Variants in VWCE observed in about 807,000 individuals in gnomAD.
The protein encoded by VWCE is von Willebrand factor C and EGF domains, also known as von Willebrand factor C and EGF domain-containing protein.
A neutral mutation model predicts 102.9 loss-of-function variants in VWCE; 68 were observed. That is an observed-to-expected ratio of 0.66 (90% CI 0.54 to 0.81). The LOEUF (loss-of-function observed/expected upper bound fraction) is 0.81. Ranked by LOEUF, VWCE falls within the 30% of genes least tolerant of loss-of-function variation. VWCE has a pLI of 0.00. For missense variants in VWCE, 1,137 were observed against 1,263.6 expected (o/e 0.90, Z 1.52); for synonymous variants, 497 against 515.4 (o/e 0.96, Z 0.48).
chr11:61,281,789 C>T lies in VWCE; in HGVS notation c.784G>A (p.Glu262Lys). Residue 262 changes from glutamate (E) to lysine (K), a missense_variant, in exon 7 of 20, where the codon GAA becomes AAA. This residue lies in a region of VWCE where 575 missense variants were observed against 625.9 expected (regional missense o/e 0.92). Transcript: ENST00000335613. ...GATGGAGGGGCCTGGCGCTCACCTT[C>T]ACAGGACACGCGGTCAGCTCGGAGC... The part of the protein sequence containing the change: ...FRLRADRVSC[E>K]AFPKAVLAPS... 1 of 1,611,718 alleles carries T rather than the reference C, an allele frequency of 6.2e-7. No individual in the cohort carries two copies. Among genetic ancestry groups the T allele is most frequent in the African/African-American group, 1.3e-5 (1 of 74,942 alleles).
chr11:61,268,819 T>C, intron 15 of VWCE, 103 bp downstream of exon 15: 1 of 1,168,694 alleles, frequency 8.6e-7, no homozygotes, highest in Non-Finnish European at 1.2e-6. Flanking sequence ...GGTTGTCCCT[T>C]GGGGTTGTTA....
At position 61,259,167 on chromosome 11, in the gene VWCE, C is replaced by G. The variant is rs748783982; in HGVS notation, c.2376G>C (p.Ser792=). 19 of 1,613,984 alleles carry G rather than the reference C, an allele frequency of 1.2e-5. No homozygotes were observed. The highest frequency in any genetic ancestry group is 1.6e-4 in the Middle Eastern group (1 of 6,082). The change falls in exon 20 of 20, where the codon TCG becomes TCC. Residue 792 remains serine, a synonymous_variant. Transcript: ENST00000335613. ...SCPGPPTASP[S]RPVLHLLQLL... The stretch of plus-strand genomic sequence containing the variant: ...GCTGGAGGAGATGAAGCACCGGCCT[C>G]GAGGGTGATGCTGTCGGGGGCCCAG...
chr11:61,264,419 G>A, intron 19 of VWCE, 68 bp downstream of exon 19: 1 of 1,466,160 alleles, frequency 6.8e-7, no homozygotes, highest in Non-Finnish European at 9.4e-7. Context: ...CAAGTTCTAT[G>A]TACCGGGGAA....
intron 10 of VWCE, among the ~76,000 whole-genome samples, chr11:61,277,914 C>T (rs773071247): frequency 3.9e-5 from 6 of 152,160 alleles, no homozygotes; most frequent in Non-Finnish European, 8.8e-5. Context: ...TCTCAGCTCA[C>T]TGCAACGTCA....
chr11:61,275,930 G>T (rs1165523853), intron 11 of VWCE, among the ~76,000 whole-genome samples: 1 of 152,238 alleles, frequency 6.6e-6, no homozygotes. Context: ...GCAGGGGAAA[G>T]CTGGGCTGTG....
chr11:61,265,195 A>T lies in VWCE; in HGVS notation c.1983T>A (p.Cys661Ter). 6.7e-7 allele frequency: 1 copy of T among 1,496,994 alleles called. No individual in the cohort carries two copies. Among genetic ancestry groups the T allele is most frequent in the Non-Finnish European group, 8.9e-7 (1 of 1,120,866 alleles). 92.7% of individuals were successfully genotyped at this position (1,496,994 alleles called of 1,614,324 possible). The change falls in exon 17 of 20, where the codon TGT becomes TGA. Residue 661 changes from cysteine to a stop codon, truncating the protein, a stop_gained. Coordinates refer to ENST00000335613, the MANE Select transcript of VWCE (RefSeq NM_152718.2). LOFTEE classifies it high-confidence loss of function. ...AGGTGATGGGGCAGTCCACGGGGGA[A>T]CAGGCCACTGAGCCCAGCTGCAGGA... is the stretch of plus-strand genomic sequence containing the variant. ...SCICLLGSVA[C>*]SPVDCPITCT...
intron 10 of VWCE, among the ~76,000 whole-genome samples, chr11:61,278,052 C>A (rs1429525500): frequency 1.3e-5 from 2 of 152,086 alleles, no homozygotes; most frequent in Non-Finnish European, 2.9e-5. Context: ...AATGTGGAGA[C>A]CTTTATTGTG....
At chr11:61,273,462 C>A in intron 12 of VWCE, 146 bp from the exon 13 acceptor site, 4 of 753,558 alleles carry the variant, frequency 5.3e-6, no homozygotes, top group Non-Finnish European at 8.4e-6. Flanking sequence ...GTGAAACTGA[C>A]AAAGAAATCT....
chr11:61,281,761 C>A (rs746457778), intron 7 of VWCE, 25 bp downstream of exon 7: 3 of 1,592,346 alleles, frequency 1.9e-6, no homozygotes, highest in South Asian at 2.3e-5. Flanking sequence ...GGCCAGCCGC[C>A]GGGATGGAGG....
In VWCE at chr11:61,281,255, G is replaced by T. The variant is rs774661016; in HGVS notation, c.788-20C>A. The T allele has an allele frequency of 3.7e-6, 6 of 1,611,304 alleles. No homozygotes were observed. The South Asian group carries it at 5.5e-5, about 15-fold the overall frequency. ...GGAAAGCTGAAACAGAAGCACGGAG[G>T]TCTCTTGGGGTGGACAGCAGAGACA... is the stretch of plus-strand genomic sequence containing the variant. On this transcript the variant is annotated intron_variant, in intron 7 of 19. Transcript: ENST00000335613.
intron 14 of VWCE, among the ~76,000 whole-genome samples, chr11:61,271,007 C>T (rs952816978): frequency 2.0e-5 from 3 of 151,882 alleles, no homozygotes; most frequent in Non-Finnish European, 4.4e-5. Context: ...CTACATGCAG[C>T]TAATTTTTGT....
intron 5 of VWCE, among the ~76,000 whole-genome samples, chr11:61,283,648 C>T (rs930520631): frequency 6.6e-6 from 1 of 152,156 alleles, no homozygotes. Flanking sequence ...TGACCTCAGG[C>T]GATCCACCTG....
chr11:61,267,517 T>C lies in VWCE; in HGVS notation c.1910A>G (p.Tyr637Cys), dbSNP rs560633756. 1.2e-6 allele frequency: 2 copies of C among 1,614,138 alleles called. No individual in the cohort carries two copies. Among genetic ancestry groups the C allele is most frequent in the Admixed American group, 1.7e-5 (1 of 60,016 alleles). Residue 637 changes from tyrosine to cysteine, a missense_variant, in exon 16 of 20, where the codon TAT becomes TGT. Tyr to Cys is a radical substitution (Grantham distance 194, BLOSUM62 -2). Around this residue, in one of 5 missense-constraint regions of VWCE, gnomAD observed 212 missense variants for 235.1 expected, o/e 0.90. Transcript: ENST00000335613. ...CACAGACGGGAAGGTCTCGTTGTTA[T>C]AGAAGATTCTGCCTGTGTAGGTGCA... ...AGCTYTGRIF[Y>C]NNETFPSVLD...
rs1299823844 is a variant in VWCE, at chr11:61,290,790, G to T, written c.424+9C>A. On this transcript the variant is annotated intron_variant, in intron 4 of 19. Transcript: ENST00000335613. Reference sequence around the variant, plus strand: ...CCTCCCCCTCCCCCACCACTCCCAGGCGTCTCACCTGTACACCTGATGCCA... The same window carrying T: ...CCTCCCCCTCCCCCACCACTCCCAGTCGTCTCACCTGTACACCTGATGCCA... 1.9e-6 allele frequency: 3 copies of T among 1,594,206 alleles called. No homozygotes were observed.
chr11:61,270,085 T>A (rs1190112917), intron 14 of VWCE, among the ~76,000 whole-genome samples: 2 of 151,636 alleles, frequency 1.3e-5, no homozygotes, highest in Admixed American at 1.3e-4. Context: ...GCCCAGCTAA[T>A]TTTTTTTGTA....
chr11:61,283,221 C>A (rs963194893), intron 5 of VWCE, among the ~76,000 whole-genome samples: 8 of 152,168 alleles, frequency 5.3e-5, no homozygotes, highest in Non-Finnish European at 1.2e-4. Flanking sequence ...GATGTTCTGA[C>A]CAAAGGGCAT....
At chr11:61,284,578 G>A (rs115485548) in intron 5 of VWCE, among the ~76,000 whole-genome samples, 1,537 of 152,270 alleles carry the variant, frequency 0.01, 15 homozygotes, top group African/African-American at 0.033. Flanking sequence ...GGTAAGATAA[G>A]TAGATAAGAA....
intron 3 of VWCE, 110 bp downstream of exon 3, chr11:61,291,154 G>T (rs1855491249): frequency 4.8e-6 from 6 of 1,243,244 alleles, no homozygotes; most frequent in Non-Finnish European, 6.6e-6. Flanking sequence ...CTACCTAATG[G>T]AGTTGTCTGA....
At chr11:61,280,360 CATAA>C (rs1042893688) in intron 9 of VWCE, among the ~76,000 whole-genome samples, 2 of 152,130 alleles carry the variant, frequency 1.3e-5, no homozygotes, top group African/African-American at 4.8e-5. Context: ...CATATTACAG[CATAA>C]ATGAGTGGTT....
Sources: allele counts gnomAD v4.1 joint callset (sites outside exome capture counted in the v4.1 genomes callset), GRCh38; gene constraint gnomAD v4.1.1; regional missense constraint gnomAD v4.1.1; transcripts MANE v1.5; gene names NCBI Gene and HGNC (gene_info 2026-07-23, HGNC 2026-07-21).